COMMD1: variants seen among roughly 807,000 people sequenced by gnomAD.
COMMD1 encodes the protein COMM domain-containing protein 1.
In COMMD1, 10 loss-of-function variants were observed where a neutral mutation model predicts 17.2. That is an observed-to-expected ratio of 0.58 (90% confidence interval 0.36 to 0.99). COMMD1 has a LOEUF of 0.99. Among genes scored for constraint, COMMD1 ranks in the 50% least tolerant of loss-of-function variants. The pLI, the probability that COMMD1 is intolerant of heterozygous loss-of-function variation, is 0.01. For synonymous variants in COMMD1, 97 were observed against 91.6 expected (o/e 1.06, Z -0.34); for missense variants, 270 against 231.8 (o/e 1.17, Z -1.07).
intron 1 of COMMD1, among the ~76,000 whole-genome samples, chr2:61,988,705 C>T (rs1421933833): frequency 6.6e-6 from 1 of 152,178 alleles, no homozygotes; most frequent in African/African-American, 2.4e-5. Flanking sequence ...AGTCCGCTGG[C>T]TCTGATCCTA....
chr2:61,910,708 T>TC lies in COMMD1; in HGVS notation c.180+4851dup, dbSNP rs577489717. Reference sequence around the variant, plus strand: ...AAAGAGCATAATCTAACTATGAAGATCAATCACCTTTTGTATACCTTAGTC... The same window carrying TC: ...AAAGAGCATAATCTAACTATGAAGATCCAATCACCTTTTGTATACCTTAGTC... On this transcript the variant is annotated intron_variant, in intron 1 of 2. Transcript: ENST00000311832. 1.2e-3 allele frequency among the ~76,000 whole-genome samples: 189 copies of TC among 152,304 alleles called. No individual in the cohort carries two copies. In the East Asian group the frequency reaches 0.015, roughly 12 times the overall value.
At chr2:61,961,700 A>T (rs956018767) in intron 1 of COMMD1, among the ~76,000 whole-genome samples, 10 of 151,776 alleles carry the variant, frequency 6.6e-5, no homozygotes, top group South Asian at 6.2e-4. Context: ...TTCTTGCTTG[A>T]TTTCTTTAAT....
chr2:62,066,518 C>G (rs1671046466), intron 2 of COMMD1, among the ~76,000 whole-genome samples: 1 of 150,598 alleles, frequency 6.6e-6, no homozygotes, highest in African/African-American at 2.5e-5. Context: ...TCACGGCAAG[C>G]TCTGCCTCCC....
At chr2:62,091,308 T>C (rs1671820395) in intron 2 of COMMD1, among the ~76,000 whole-genome samples, 1 of 152,250 alleles carries the variant, frequency 6.6e-6, no homozygotes. Context: ...GGAATTTTTT[T>C]CTAAAGAATG....
At chr2:62,046,478 C>G (rs1670386024) in intron 2 of COMMD1, among the ~76,000 whole-genome samples, 1 of 152,130 alleles carries the variant, frequency 6.6e-6, no homozygotes, top group Admixed American at 6.5e-5. Flanking sequence ...ATCCAGAGCC[C>G]TATGACTTGT....
chr2:61,986,156 T>G (rs1672099055), intron 1 of COMMD1, among the ~76,000 whole-genome samples: 2 of 144,906 alleles, frequency 1.4e-5, no homozygotes, highest in South Asian at 4.4e-4. Flanking sequence ...GGTATAAAGT[T>G]TTTTTTTTTT....
chr2:61,941,469 G>A (rs1326137188), intron 1 of COMMD1, among the ~76,000 whole-genome samples: 1 of 152,196 alleles, frequency 6.6e-6, no homozygotes, highest in Non-Finnish European at 1.5e-5. Flanking sequence ...CATGAACTGC[G>A]TTATGGACAT....
chr2:61,978,248 C>G (rs949620127), intron 1 of COMMD1, among the ~76,000 whole-genome samples: 1 of 152,136 alleles, frequency 6.6e-6, no homozygotes, highest in African/African-American at 2.4e-5. Flanking sequence ...AAACTAAAAG[C>G]TTAGTGGAAA....
At chr2:61,959,583 T>C (rs1671286081) in intron 1 of COMMD1, among the ~76,000 whole-genome samples, 1 of 152,198 alleles carries the variant, frequency 6.6e-6, no homozygotes, top group African/African-American at 2.4e-5. Context: ...AAGCAACTTT[T>C]CCAAAGACAC....
chr2:61,902,289 C>T (rs1330759703), upstream of COMMD1, among the ~76,000 whole-genome samples: 1 of 151,572 alleles, frequency 6.6e-6, no homozygotes, highest in Non-Finnish European at 1.5e-5. Context: ...AGGTGGATCA[C>T]GAGGTCGGGA....
chr2:62,116,975 A>G (rs1672624608), intron 2 of COMMD1, among the ~76,000 whole-genome samples: 1 of 150,626 alleles, frequency 6.6e-6, no homozygotes, highest in Admixed American at 6.6e-5. Context: ...AGCCTGGGCA[A>G]CAAGAGCGAA....
At position 62,112,913 on chromosome 2, in the gene COMMD1, T is replaced by G. The variant is rs191539808; in HGVS notation, c.463-22918T>G. Among the ~76,000 whole-genome samples the G allele has an allele frequency of 4.1e-4, 63 of 152,324 alleles. 3 individuals are homozygous for G. The East Asian group carries it at 6.0e-3, about 14-fold the overall frequency. On this transcript the variant is annotated intron_variant, in intron 2 of 2. Transcript: ENST00000311832. ...GGGAAACAGTATAAAATAACAGCAT[T>G]TACATGCAAAGACTCTTTTCTAACC... is the stretch of plus-strand genomic sequence containing the variant.
At chr2:62,014,105 C>T (rs969693863) in intron 2 of COMMD1, among the ~76,000 whole-genome samples, 1 of 152,158 alleles carries the variant, frequency 6.6e-6, no homozygotes, top group African/African-American at 2.4e-5. Context: ...AGTGTCTTTG[C>T]AGATTCATTG....
At chr2:61,888,509 G>A (rs1012521917), upstream of COMMD1, 13 of 1,610,996 alleles carry the variant, frequency 8.1e-6, no homozygotes, top group Non-Finnish European at 1.1e-5. Context: ...CTCGGGCATG[G>A]CAAACTCCGC....
At chr2:61,931,906 G>A (rs761799427) in intron 1 of COMMD1, among the ~76,000 whole-genome samples, 9 of 152,206 alleles carry the variant, frequency 5.9e-5, no homozygotes, top group Non-Finnish European at 7.3e-5. Context: ...GAGAAGATAC[G>A]TACCAAAGGA....
In COMMD1 at chr2:61,897,049, C is replaced by T. The variant is rs562457161; in HGVS notation, n.119+8207C>T. On this transcript the variant is annotated intron_variant and non_coding_transcript_variant, in intron 1 of 2. Coordinates refer to the COMMD1 transcript ENST00000472729. The stretch of plus-strand genomic sequence containing the variant: ...TTCACCATATTGGCCAGGCTGGTCT[C>T]GAACTCCTGACCTCAAGCAATCCAC... 7.4e-4 allele frequency among the ~76,000 whole-genome samples: 112 copies of T among 152,058 alleles called. 1 individual carries two copies. Among genetic ancestry groups the T allele is most frequent in the Non-Finnish European group, 1.1e-3 (78 of 67,966 alleles).
chr2:62,035,810 G>C (rs186463520), intron 2 of COMMD1, among the ~76,000 whole-genome samples: 180 of 151,780 alleles, frequency 1.2e-3, no homozygotes, highest in Non-Finnish European at 2.3e-3. Flanking sequence ...CAGCACTTTG[G>C]GGGGCTGAGG....
chr2:62,121,371 C>CAAAAAAAAAAAAAAAAAAAA (rs55789110), intron 2 of COMMD1, among the ~76,000 whole-genome samples: 1 of 47,204 alleles, frequency 2.1e-5, no homozygotes, highest in African/African-American at 9.3e-5. Flanking sequence ...GACTCTTTCT[C>CAAAAAAAAAAAAAAAAAAAA]AAAAAAAAAA....
chr2:61,935,228 A>G (rs1375528556), intron 1 of COMMD1, among the ~76,000 whole-genome samples: 1 of 152,234 alleles, frequency 6.6e-6, no homozygotes, highest in Non-Finnish European at 1.5e-5. Flanking sequence ...CAAGATATGC[A>G]AGACAGCAGG....
Sources: allele counts gnomAD v4.1 joint callset (sites outside exome capture counted in the v4.1 genomes callset), GRCh38; gene constraint gnomAD v4.1.1; transcripts MANE v1.5; gene names NCBI Gene and HGNC (gene_info 2026-07-23, HGNC 2026-07-21).